The following MAN2A1 variants were observed in gnomAD, a reference collection of about 807,000 sequenced individuals.
MAN2A1 encodes the protein alpha-mannosidase 2.
In MAN2A1, 76 loss-of-function variants were observed where a neutral mutation model predicts 142.6. That is an observed-to-expected ratio of 0.53 (90% confidence interval 0.44 to 0.65). The LOEUF is 0.65. Ranked by LOEUF, MAN2A1 falls within the 30% of genes least tolerant of loss-of-function variation. The probability of loss-of-function intolerance (pLI) is 0.00; values close to 1 mark genes in which losing one functional copy is unlikely to be tolerated. For synonymous variants in MAN2A1, 559 were observed against 473.2 expected (o/e 1.18, Z -2.35); for missense variants, 1,311 against 1,365.1 (o/e 0.96, Z 0.62).
chr5:109,728,660 C>T (rs1223842670), intron 3 of MAN2A1, among the ~76,000 whole-genome samples: 1 of 152,190 alleles, frequency 6.6e-6, no homozygotes, highest in East Asian at 1.9e-4. Context: ...AAACTGTCAA[C>T]ATCTACAGTT....
intron 15 of MAN2A1, among the ~76,000 whole-genome samples, chr5:109,822,997 A>G (rs547758317): frequency 6.6e-6 from 1 of 152,198 alleles, no homozygotes; most frequent in Non-Finnish European, 1.5e-5. Flanking sequence ...ACACTGTTTA[A>G]GTAGTTCATA....
chr5:109,848,596 G>A (rs1489754347), intron 19 of MAN2A1, among the ~76,000 whole-genome samples: 2 of 151,956 alleles, frequency 1.3e-5, no homozygotes, highest in Non-Finnish European at 2.9e-5. Flanking sequence ...ACATTTAAAA[G>A]ACACTTTACA....
At chr5:109,718,708 G>A (rs1271659658) in intron 3 of MAN2A1, among the ~76,000 whole-genome samples, 1 of 152,046 alleles carries the variant, frequency 6.6e-6, no homozygotes, top group Non-Finnish European at 1.5e-5. Flanking sequence ...GCAGGTCTTC[G>A]CAGATGTAAA....
In MAN2A1 at chr5:109,755,448, A is replaced by G. The variant is rs759517045; in HGVS notation, c.827A>G (p.Asn276Ser). 38 of 1,611,352 alleles carry G rather than the reference A, an allele frequency of 2.4e-5. No individual in the cohort carries two copies. The highest frequency in any genetic ancestry group is 1.0e-4 in the Admixed American group (6 of 59,960). The change falls in exon 5 of 22, where the codon AAT becomes AGT. Residue 276 changes from asparagine to serine, a missense_variant. Asn to Ser is a conservative substitution (Grantham distance 46). Coordinates refer to ENST00000261483, the MANE Select transcript of MAN2A1 (RefSeq NM_002372.4). ...QLIEGHQWLE[N>S]NIGVKPRSGW... ...ATTGAAGGACATCAGTGGCTGGAAA[A>G]TAATATAGGTATGTATTGGTATATT...
chr5:109,750,347 T>A (rs1348167567), intron 4 of MAN2A1, among the ~76,000 whole-genome samples: 1 of 152,108 alleles, frequency 6.6e-6, no homozygotes, highest in African/African-American at 2.4e-5. Context: ...CAAATCTTCC[T>A]GCTTGTAAGA....
chr5:109,816,572 A>T (rs1356999092), intron 12 of MAN2A1, among the ~76,000 whole-genome samples: 1 of 152,134 alleles, frequency 6.6e-6, no homozygotes, highest in Non-Finnish European at 1.5e-5. Context: ...TGTGTGAATT[A>T]TGTGATTTTC....
intron 3 of MAN2A1, among the ~76,000 whole-genome samples, chr5:109,722,024 T>G (rs1442117915): frequency 1.3e-5 from 2 of 152,230 alleles, no homozygotes; most frequent in Non-Finnish European, 2.9e-5. Context: ...ATAAGTGATC[T>G]GTTCATGGCA....
At chr5:109,737,092 C>CTTTT (rs10686903) in intron 4 of MAN2A1, among the ~76,000 whole-genome samples, 3,325 of 112,094 alleles carry the variant, frequency 0.03, 203 homozygotes, top group Non-Finnish European at 0.044. Flanking sequence ...ACTGTATACT[C>CTTTT]TTTTTTTTTT....
chr5:109,742,738 T>C lies in MAN2A1; in HGVS notation c.708-12591T>C, dbSNP rs1419691478. On this transcript the variant is annotated intron_variant, in intron 4 of 21. Transcript: ENST00000261483. ...TGTGTCTTGTGATATTCAGAGTCAT[T>C]TGCAGATTTGGATTGAGTTTAGAAT... 2.0e-5 allele frequency among the ~76,000 whole-genome samples: 3 copies of C among 152,198 alleles called. No homozygotes were observed. The South Asian group carries it at 6.2e-4, about 32-fold the overall frequency.
intron 1 of MAN2A1, 64 bp from the exon 2 acceptor site, chr5:109,713,456 T>A (rs1751359526): frequency 7.3e-7 from 1 of 1,364,500 alleles, no homozygotes; most frequent in South Asian, 1.7e-5. Context: ...AAAAAAAAAA[T>A]GTGTATGCCT....
At chr5:109,852,940 T>C (rs966788975) in intron 19 of MAN2A1, among the ~76,000 whole-genome samples, 1 of 152,162 alleles carries the variant, frequency 6.6e-6, no homozygotes, top group African/African-American at 2.4e-5. Flanking sequence ...GGTGAGACTT[T>C]GCCACTCCAA....
intron 1 of MAN2A1, among the ~76,000 whole-genome samples, chr5:109,703,885 G>A (rs1323359845): frequency 6.6e-6 from 1 of 152,174 alleles, no homozygotes. Context: ...TCAACAGGAG[G>A]TAGTTTCTGT....
chr5:109,857,844 G>A (rs1021840766), intron 20 of MAN2A1, among the ~76,000 whole-genome samples: 3 of 152,106 alleles, frequency 2.0e-5, no homozygotes, highest in Non-Finnish European at 2.9e-5. Context: ...GTTGCTCTTC[G>A]TGCCTTTGGA....
chr5:109,755,262 T>A (rs1273600879), intron 4 of MAN2A1, 67 bp from the exon 5 acceptor site: 1 of 1,226,680 alleles, frequency 8.2e-7, no homozygotes, highest in Non-Finnish European at 1.2e-6. Flanking sequence ...TGTTTATGCT[T>A]GTTTAGTTTT....
At position 109,713,814 on chromosome 5, in the gene MAN2A1, T is replaced by TA. The variant is rs970033187; in HGVS notation, c.390+40_390+41insA. The TA allele has an allele frequency of 2.6e-6, 4 of 1,559,526 alleles. No homozygotes were observed. The African/African-American group carries it at 5.5e-5, about 22-fold the overall frequency. The stretch of plus-strand genomic sequence containing the variant: ...CGTTAATAATCACTGGCCTTTTTTT[T>TA]TTTTTGTTCTTTTTAAGATTTGACC... On this transcript the variant is annotated intron_variant, in intron 2 of 21. Coordinates refer to ENST00000261483, the MANE Select transcript of MAN2A1 (RefSeq NM_002372.4).
intron 1 of MAN2A1, among the ~76,000 whole-genome samples, chr5:109,705,320 A>T (rs1353538364): frequency 6.6e-6 from 1 of 152,222 alleles, no homozygotes; most frequent in African/African-American, 2.4e-5. Flanking sequence ...TCAGTCTAAG[A>T]TAAAGATGTT....
At position 109,787,778 on chromosome 5, in the gene MAN2A1, C is replaced by A. The variant is rs534512666; in HGVS notation, c.1761-1156C>A. ...ATAGAAAGGAACTTAGATTGAGGGT[C>A]TTGCTGTCATAACTGAACCATATTC... On this transcript the variant is annotated intron_variant, in intron 10 of 21. Coordinates refer to ENST00000261483, the MANE Select transcript of MAN2A1 (RefSeq NM_002372.4). Among the ~76,000 whole-genome samples the A allele has an allele frequency of 3.4e-3, 523 of 151,980 alleles. 1 individual carries two copies. The highest frequency in any genetic ancestry group is 4.9e-3 in the Non-Finnish European group (334 of 67,862).
Position 109,805,006 on chromosome 5 carries a change from C to T in MAN2A1, c.1944-12267C>T, listed in dbSNP as rs186930031. 4.8e-4 allele frequency among the ~76,000 whole-genome samples: 73 copies of T among 152,256 alleles called. No homozygotes were observed. The East Asian group carries it at 0.014, about 29-fold the overall frequency. ...AGATGAAAATTACATTTTGATTGAA[C>T]ATCATTCCTTATGCAGTCACCCATA... On this transcript the variant is annotated intron_variant, in intron 12 of 21. Coordinates refer to ENST00000261483, the MANE Select transcript of MAN2A1 (RefSeq NM_002372.4).
intron 7 of MAN2A1, among the ~76,000 whole-genome samples, chr5:109,772,739 G>T (rs943519051): frequency 6.6e-6 from 1 of 152,018 alleles, no homozygotes; most frequent in Non-Finnish European, 1.5e-5. Context: ...TGAACTCCTG[G>T]GGTCAAATGA....
Sources: allele counts gnomAD v4.1 joint callset (sites outside exome capture counted in the v4.1 genomes callset), GRCh38; gene constraint gnomAD v4.1.1; transcripts MANE v1.5; gene names NCBI Gene and HGNC (gene_info 2026-07-23, HGNC 2026-07-21).